Variants in ANO3 observed in about 807,000 individuals in gnomAD.
ANO3 encodes the protein anoctamin 3.
In ANO3, 99 loss-of-function variants were observed where a neutral mutation model predicts 144.8. That is an observed-to-expected ratio of 0.68 (90% confidence interval 0.58 to 0.81). The LOEUF is 0.81. Among genes scored for constraint, ANO3 ranks in the 30% least tolerant of loss-of-function variants. The pLI is 0.00. For synonymous variants in ANO3, 414 were observed against 392.6 expected, an observed-to-expected ratio of 1.05 and a Z score of -0.64; for missense variants, 905 against 1,202.2, an observed-to-expected ratio of 0.75 and a Z score of 3.66.
At chr11:26,276,350 C>T (rs1022361854) in intron 1 of ANO3, among the ~76,000 whole-genome samples, 3 of 152,108 alleles carry the variant, frequency 2.0e-5, no homozygotes, top group African/African-American at 7.2e-5. Flanking sequence ...CAACCATCCC[C>T]AGGTGAGTCT....
intron 1 of ANO3, among the ~76,000 whole-genome samples, chr11:26,204,748 C>T (rs966072727): frequency 1.3e-5 from 2 of 152,068 alleles, no homozygotes; most frequent in African/African-American, 4.8e-5. Context: ...TCTTATTCTT[C>T]CCTTTTATCT....
chr11:26,498,721 T>C (rs1472534666), intron 4 of ANO3, among the ~76,000 whole-genome samples: 1 of 151,790 alleles, frequency 6.6e-6, no homozygotes, highest in Admixed American at 6.6e-5. Context: ...TAATATTCCC[T>C]GATCTTTTCT....
intron 1 of ANO3, among the ~76,000 whole-genome samples, chr11:26,310,115 G>C (rs1453578905): frequency 6.6e-6 from 1 of 151,920 alleles, no homozygotes; most frequent in African/African-American, 2.4e-5. Context: ...TTTTAAAAAA[G>C]GTAATGTAGA....
At chr11:26,434,076 G>T (rs1265509640) in intron 1 of ANO3, among the ~76,000 whole-genome samples, 3 of 151,916 alleles carry the variant, frequency 2.0e-5, no homozygotes, top group Non-Finnish European at 2.9e-5. Context: ...TGTAGTATTG[G>T]TCTGTTCAGG....
upstream of ANO3, among the ~76,000 whole-genome samples, chr11:26,304,670 C>T (rs1854329115): frequency 6.6e-6 from 1 of 152,012 alleles, no homozygotes; most frequent in Admixed American, 6.6e-5. Flanking sequence ...ATAGAACCAC[C>T]TCATTTTTTA....
intron 3 of ANO3, among the ~76,000 whole-genome samples, chr11:26,451,697 T>A (rs1191845938): frequency 6.6e-6 from 1 of 152,190 alleles, no homozygotes; most frequent in Non-Finnish European, 1.5e-5. Context: ...CTCTGCAGAC[T>A]TAAATGTTCC....
At chr11:26,652,486 C>T (rs10734381) in intron 24 of ANO3, among the ~76,000 whole-genome samples, 120,344 of 152,096 alleles carry the variant, frequency 0.79, 48,305 homozygotes, top group East Asian at 0.88. Context: ...TGCTCCCATA[C>T]TGAAGGCAAA....
At chr11:26,273,068 C>G (rs1335473866) in intron 1 of ANO3, among the ~76,000 whole-genome samples, 4 of 152,002 alleles carry the variant, frequency 2.6e-5, no homozygotes. Context: ...GCTGCTAACT[C>G]CAGTGTCTGA....
chr11:26,288,453 CTT>C, intron 1 of ANO3, among the ~76,000 whole-genome samples: 1 of 152,296 alleles, frequency 6.6e-6, no homozygotes, highest in East Asian at 1.9e-4. Flanking sequence ...AATCTGGACT[CTT>C]AAATTGTCAG....
chr11:26,279,758 T>C (rs59102837), intron 1 of ANO3, among the ~76,000 whole-genome samples: 5,298 of 152,208 alleles, frequency 0.035, 182 homozygotes, highest in African/African-American at 0.09. Flanking sequence ...CCCAATCTCA[T>C]TCTGTGTCCA....
chr11:26,628,704 GACA>G (rs1370367737), intron 18 of ANO3, among the ~76,000 whole-genome samples: 3 of 152,262 alleles, frequency 2.0e-5, no homozygotes, highest in Admixed American at 6.5e-5. Flanking sequence ...AGTAGCTCAG[GACA>G]ACAACTTATT....
chr11:26,629,498 C>T (rs995897569), intron 18 of ANO3, among the ~76,000 whole-genome samples: 11 of 152,070 alleles, frequency 7.2e-5, no homozygotes, highest in Non-Finnish European at 1.6e-4. Flanking sequence ...TCCTTAGGTA[C>T]AAAGTTTGGC....
At position 26,495,624 on chromosome 11, in the gene ANO3, C is replaced by A. The variant is rs1478109993; in HGVS notation, c.433-12480C>A. Among the ~76,000 whole-genome samples, 4 of 152,218 alleles carry A rather than the reference C, an allele frequency of 2.6e-5. No homozygotes were observed. In the East Asian group the frequency reaches 7.7e-4, roughly 29 times the overall value. ...GAGCAAATATAGTTGTTTGATAATC[C>A]TTCTTCCTCTTCCTAAGTCTCAGGA... is the stretch of plus-strand genomic sequence containing the variant. On this transcript the variant is annotated intron_variant, in intron 4 of 26. Coordinates refer to ENST00000256737, the MANE Select transcript of ANO3 (RefSeq NM_031418.4).
Position 26,547,327 on chromosome 11 carries a change from A to G in ANO3, c.1155-89A>G, listed in dbSNP as rs2134217227. The G allele has an allele frequency of 3.7e-6, 5 of 1,336,350 alleles. No individual in the cohort carries two copies. The African/African-American group carries it at 5.8e-5, about 16-fold the overall frequency. The allele number at this position is 1,336,350 out of a possible 1,614,324, so 82.8% of individuals were successfully genotyped here. On this transcript the variant is annotated intron_variant, in intron 11 of 26. Transcript: ENST00000256737. ...GAACTGAGTGTAGCTTCAAGTTACC[A>G]TCTGAAATTCTGACTAGGTGTGGCA... is the stretch of plus-strand genomic sequence containing the variant.
At chr11:26,195,661 A>G (rs1000967450) in intron 1 of ANO3, among the ~76,000 whole-genome samples, 3 of 152,164 alleles carry the variant, frequency 2.0e-5, no homozygotes, top group Non-Finnish European at 4.4e-5. Context: ...GTCTCAGGTC[A>G]CTCAGATAAT....
intron 3 of ANO3, among the ~76,000 whole-genome samples, chr11:26,462,502 T>G (rs1276417023): frequency 6.6e-6 from 1 of 151,874 alleles, no homozygotes; most frequent in Non-Finnish European, 1.5e-5. Flanking sequence ...CAGTGTTCTC[T>G]GTTCTTTCCT....
chr11:26,236,683 T>C (rs1366779406), intron 1 of ANO3, among the ~76,000 whole-genome samples: 2 of 151,894 alleles, frequency 1.3e-5, no homozygotes, highest in African/African-American at 2.4e-5. Context: ...CCGGGCATGG[T>C]GGCGGGCGCC....
chr11:26,466,273 T>C (rs1859598282), intron 4 of ANO3, among the ~76,000 whole-genome samples: 1 of 152,002 alleles, frequency 6.6e-6, no homozygotes, highest in Non-Finnish European at 1.5e-5. Context: ...TAAATCTGTA[T>C]TTAGTTAGCC....
chr11:26,434,244 A>T (rs1454813311), intron 1 of ANO3, among the ~76,000 whole-genome samples: 1 of 151,982 alleles, frequency 6.6e-6, no homozygotes, highest in Non-Finnish European at 1.5e-5. Flanking sequence ...GGTTACTTTT[A>T]TTCCTGTGGG....
Sources: allele counts gnomAD v4.1 joint callset (sites outside exome capture counted in the v4.1 genomes callset), GRCh38; gene constraint gnomAD v4.1.1; transcripts MANE v1.5; gene names NCBI Gene and HGNC (gene_info 2026-07-23, HGNC 2026-07-21).